The following ZNF451 variants were observed in gnomAD, a reference collection of about 807,000 sequenced individuals.
The protein encoded by ZNF451 is E3 SUMO-protein ligase ZNF451.
A neutral mutation model predicts 107.1 loss-of-function variants in ZNF451; 80 were observed. That is an observed-to-expected ratio of 0.75 (90% CI 0.62 to 0.90). The LOEUF (loss-of-function observed/expected upper bound fraction) is 0.90. Ranked by LOEUF, ZNF451 falls within the 40% of genes least tolerant of loss-of-function variation. The probability of loss-of-function intolerance (pLI) is 0.00; values close to 1 mark genes in which losing one functional copy is unlikely to be tolerated. For synonymous variants in ZNF451, 362 were observed against 406.5 expected, an observed-to-expected ratio of 0.89 and a Z score of 1.32; for missense variants, 1,107 against 1,236.2, an observed-to-expected ratio of 0.90 and a Z score of 1.57.
intron 3 of ZNF451, among the ~76,000 whole-genome samples, chr6:57,122,160 G>T (rs1290000835): frequency 6.6e-6 from 1 of 152,156 alleles, no homozygotes; most frequent in Non-Finnish European, 1.5e-5. Context: ...AATAAATGAT[G>T]CTGGGAAAAC....
intron 13 of ZNF451, among the ~76,000 whole-genome samples, chr6:57,155,839 TA>T (rs1241500522): frequency 8.3e-5 from 12 of 144,782 alleles, no homozygotes; most frequent in Admixed American, 1.4e-4. Flanking sequence ...TTTTTTTTTT[TA>T]ATCACTCATA....
intron 4 of ZNF451, among the ~76,000 whole-genome samples, chr6:57,128,186 G>A (rs1199495099): frequency 2.0e-5 from 3 of 152,090 alleles, no homozygotes; most frequent in Admixed American, 1.3e-4. Context: ...GGCTCCTTCT[G>A]TATGTTTCAG....
intron 13 of ZNF451, among the ~76,000 whole-genome samples, chr6:57,157,660 C>G (rs1226783672): frequency 6.6e-6 from 1 of 152,034 alleles, no homozygotes; most frequent in African/African-American, 2.4e-5. Context: ...GTCTTCTTAT[C>G]CTTCATCATT....
chr6:57,113,611 GA>G (rs1337218016), intron 3 of ZNF451, among the ~76,000 whole-genome samples: 86 of 147,488 alleles, frequency 5.8e-4, no homozygotes, highest in Middle Eastern at 3.4e-3. Flanking sequence ...GGTCTTCTGA[GA>G]AAAAAAAATT....
rs201607988 is a variant in ZNF451 at position 57,148,042 on chromosome 6, C to T, written c.1957C>T (p.Arg653Ter). The stretch of plus-strand genomic sequence containing the variant: ...TTTTCATAAGATAGAAACATTGTAC[C>T]GACATTGCCAAGATGAGCATGACAA... ...KPFHKIETLY[R>*]HCQDEHDNEI... is the part of the protein sequence containing the mutation. The change falls in exon 10 of 15, where the codon CGA becomes TGA. Residue 653 changes from arginine (R) to a stop codon, truncating the protein, a stop_gained. Transcript: ENST00000370706. LOFTEE classifies it high-confidence loss of function. 102 of 1,613,872 alleles carry T rather than the reference C, an allele frequency of 6.3e-5. No individual in the cohort carries two copies. Among genetic ancestry groups the T allele is most frequent in the Non-Finnish European group, 2.0e-5 (24 of 1,179,978 alleles).
chr6:57,111,188 T>A (rs897771351), intron 3 of ZNF451, among the ~76,000 whole-genome samples: 1 of 151,532 alleles, frequency 6.6e-6, no homozygotes, highest in African/African-American at 2.4e-5. Flanking sequence ...CCCGAAGTGC[T>A]GGGATTGCAG....
intron 7 of ZNF451, among the ~76,000 whole-genome samples, chr6:57,135,709 ATTAAT>A (rs1194861166): frequency 6.6e-6 from 1 of 152,144 alleles, no homozygotes; most frequent in African/African-American, 2.4e-5. Context: ...TGAATATAGT[ATTAAT>A]TTAATAAATT....
chr6:57,099,529 C>A (rs1829487592), intron 3 of ZNF451: 1 of 716,448 alleles, frequency 1.4e-6, no homozygotes, highest in East Asian at 2.7e-5. Flanking sequence ...AATTTGTTTT[C>A]TCTTAGAAAA....
chr6:57,097,741 T>C (rs1254752547), intron 2 of ZNF451, among the ~76,000 whole-genome samples: 1 of 152,088 alleles, frequency 6.6e-6, no homozygotes. Context: ...GGTATGTTCA[T>C]ACTTCCCAGA....
chr6:57,101,874 A>G, intron 3 of ZNF451: 2 of 1,550,556 alleles, frequency 1.3e-6, no homozygotes, highest in Non-Finnish European at 8.7e-7. Context: ...CCCTTTTTGG[A>G]CAAGATGTGA....
chr6:57,127,056 T>C lies in ZNF451; in HGVS notation c.313-1673T>C, dbSNP rs77933948. On this transcript the variant is annotated intron_variant, in intron 4 of 14. Transcript: ENST00000370706. ...CTTTGATAAATGGTCTAATTTAATATATAAGATGTCTTAGGATATATCTAT... is the reference window on the plus strand; with the variant it reads ...CTTTGATAAATGGTCTAATTTAATACATAAGATGTCTTAGGATATATCTAT... Among the ~76,000 whole-genome samples, 4 of 152,330 alleles carry C rather than the reference T, an allele frequency of 2.6e-5. No individual in the cohort carries two copies. The East Asian group carries it at 7.7e-4, about 29-fold the overall frequency.
chr6:57,123,692 T>G (rs914037694), intron 3 of ZNF451, among the ~76,000 whole-genome samples: 1 of 152,172 alleles, frequency 6.6e-6, no homozygotes. Flanking sequence ...AAGTTTTATG[T>G]GTTATTTCAT....
In ZNF451 at chr6:57,090,262, C is replaced by T. The variant is rs1295529132; in HGVS notation, c.9C>T (p.Asp3=). 6.2e-7 allele frequency: 1 copy of T among 1,611,382 alleles called. No individual in the cohort carries two copies. Among genetic ancestry groups the T allele is most frequent in the East Asian group, 2.2e-5 (1 of 44,830 alleles). The change falls in exon 1 of 15, where the codon GAC becomes GAT. Residue 3 remains aspartate, a synonymous_variant. Transcript: ENST00000370706. ...GCGCGGCCGTCGGAGACATGGGAGA[C>T]CCGGGGTCGGAGGTGAGTAGTCGAG... is the stretch of plus-strand genomic sequence containing the variant. MG[D]PGSEIIESVP...
At chr6:57,128,279 T>G (rs559245933) in intron 4 of ZNF451, among the ~76,000 whole-genome samples, 1 of 152,294 alleles carries the variant, frequency 6.6e-6, no homozygotes, top group East Asian at 1.9e-4. Context: ...AGAGGTAGCC[T>G]TAATAACTTT....
intron 3 of ZNF451, chr6:57,107,206 T>C: frequency 3.0e-6 from 3 of 985,420 alleles, no homozygotes; most frequent in Non-Finnish European, 3.6e-6. Context: ...GTATTGATCT[T>C]TTCTTCTCCT....
rs1828994563 is a variant in ZNF451, at chr6:57,090,250, AG to A, written c.-3del. On this transcript the variant is annotated 5_prime_UTR_variant, in exon 1 of 15. Transcript: ENST00000370706. ...GTGGTGCTGTCAGCGCGGCCGTCGG[AG>A]ACATGGGAGACCCGGGGTCGGAGGT... is the stretch of plus-strand genomic sequence containing the variant. 1 of 1,610,962 alleles carries A rather than the reference AG, an allele frequency of 6.2e-7. No individual in the cohort carries two copies.
chr6:57,141,463 A>G lies in ZNF451; in HGVS notation c.856+8A>G. On this transcript the variant is annotated splice_region_variant and intron_variant, in intron 8 of 14. Transcript: ENST00000370706. ...AGAGTTTCAAACTGGGTGGTATGTTAATACTCTCTTCTGCTGAAAATTAAA... is the reference window on the plus strand; with the variant it reads ...AGAGTTTCAAACTGGGTGGTATGTTGATACTCTCTTCTGCTGAAAATTAAA... 2 of 1,599,796 alleles carry G rather than the reference A, an allele frequency of 1.3e-6. No homozygotes were observed. Among genetic ancestry groups the G allele is most frequent in the Non-Finnish European group, 1.7e-6 (2 of 1,171,320 alleles).
At chr6:57,143,688 A>G (rs908643657) in intron 9 of ZNF451, among the ~76,000 whole-genome samples, 2 of 152,106 alleles carry the variant, frequency 1.3e-5, no homozygotes, top group Non-Finnish European at 2.9e-5. Flanking sequence ...TGATCCAGCA[A>G]TTTCTGCTTG....
At chr6:57,160,897 G>T (rs530293253) in intron 13 of ZNF451, 187 bp from the exon 14 acceptor site, 65 of 427,752 alleles carry the variant, frequency 1.5e-4, no homozygotes, top group African/African-American at 1.3e-3. Flanking sequence ...CAAAACAGGA[G>T]AATTTAATGT....
Sources: gnomAD v4.1 joint callset for allele counts (sites outside exome capture counted in the v4.1 genomes callset) on GRCh38, gnomAD v4.1.1 for gene constraint, MANE v1.5 for transcripts, NCBI Gene and HGNC (gene_info 2026-07-23, HGNC 2026-07-21) for gene names.